Variants in KCTD2 observed in about 807,000 individuals in gnomAD.
The protein encoded by KCTD2 is BTB/POZ domain-containing protein KCTD2.
A neutral mutation model predicts 27.9 loss-of-function variants in KCTD2; 18 were observed. The observed-to-expected ratio is 0.64, with a 90% CI of 0.45 to 0.96. KCTD2 has a LOEUF of 0.96. KCTD2 is among the 40% of genes least tolerant of loss of function. The pLI is 0.00. For synonymous variants in KCTD2, 175 were observed against 148.4 expected, an observed-to-expected ratio of 1.18 and a Z score of -1.30; for missense variants, 280 against 348.0, an observed-to-expected ratio of 0.80 and a Z score of 1.56.
At chr17:75,043,541 C>T (rs561678413), upstream of KCTD2, among the ~76,000 whole-genome samples, 10 of 145,750 alleles carry the variant, frequency 6.9e-5, no homozygotes, top group South Asian at 9.2e-4. Flanking sequence ...TGAACCTGGG[C>T]GGCGGAGGTT....
intron 3 of KCTD2, among the ~76,000 whole-genome samples, chr17:75,038,000 G>T (rs1373309341): frequency 6.6e-6 from 1 of 151,814 alleles, no homozygotes; most frequent in Non-Finnish European, 1.5e-5. Flanking sequence ...AGTGAGCCGA[G>T]ATCGTCCCAC....
intron 2 of KCTD2, among the ~76,000 whole-genome samples, chr17:75,052,413 C>G (rs1394926191): frequency 3.9e-5 from 6 of 152,116 alleles, no homozygotes; most frequent in Non-Finnish European, 8.8e-5. Context: ...TGGCAAAACC[C>G]CGTCTCTGCG....
intron 5 of KCTD2, 129 bp downstream of exon 5, chr17:75,062,374 G>A (rs1046045290): frequency 2.1e-5 from 18 of 862,572 alleles, no homozygotes; most frequent in Admixed American, 7.0e-5. Context: ...TTTTCCCCTC[G>A]TTTTGTTATT....
intron 3 of KCTD2, chr17:75,040,693 C>T (rs2073150363): frequency 6.5e-6 from 1 of 153,700 alleles, no homozygotes; most frequent in African/African-American, 2.4e-5. Context: ...CGAGACCAGC[C>T]TGACCAACAT....
At chr17:75,059,939 C>T (rs895501029) in intron 4 of KCTD2, among the ~76,000 whole-genome samples, 6 of 152,148 alleles carry the variant, frequency 3.9e-5, no homozygotes, top group African/African-American at 1.4e-4. Context: ...GACTGGGATT[C>T]GACAACAATC....
chr17:75,057,685 G>A (rs916861285), intron 3 of KCTD2, among the ~76,000 whole-genome samples: 6 of 150,948 alleles, frequency 4.0e-5, no homozygotes, highest in African/African-American at 4.9e-5. Context: ...TCAGCCTCCC[G>A]AGTAGCTGGG....
At chr17:75,051,432 A>ACG (rs1567991538) in intron 2 of KCTD2, among the ~76,000 whole-genome samples, 1 of 151,520 alleles carries the variant, frequency 6.6e-6, no homozygotes, top group Non-Finnish European at 1.5e-5. Flanking sequence ...TTACAGGTGC[A>ACG]TGCCACCACG....
At chr17:75,046,660 C>CT (rs1265506404), upstream of KCTD2, among the ~76,000 whole-genome samples, 9 of 152,248 alleles carry the variant, frequency 5.9e-5, no homozygotes, top group Admixed American at 2.6e-4. Context: ...TGGGAGCGGA[C>CT]TGCACGAGAC....
rs997661261 is a variant in KCTD2, at chr17:75,061,869, G to T, written c.637-251G>T. Among the ~76,000 whole-genome samples, 83 of 152,134 alleles carry T rather than the reference G, an allele frequency of 5.5e-4. 2 individuals carry two copies. Among genetic ancestry groups the T allele is most frequent in the Admixed American group, 5.4e-3 (83 of 15,266 alleles). On this transcript the variant is annotated intron_variant, in intron 4 of 5. Transcript: ENST00000322444. ...ATGTTAATCCTGCCGCTGACGGGGG[G>T]GGACTTCAGAGCTTGGGTGAGGGGA...
rs1010697745 is a variant in KCTD2 at position 75,059,715 on chromosome 17, A to C, written c.636+110A>C. 3.8e-6 allele frequency: 3 copies of C among 791,952 alleles called. No individual in the cohort carries two copies. The Admixed American group carries it at 7.4e-5, about 19-fold the overall frequency. The allele number at this position is 791,952 out of a possible 1,614,324, so 49.1% of individuals were successfully genotyped here. ...ATAACCACGGGAGACGGCTACGGCC[A>C]GGTGGGATCCTATTCCAAAACATGG... On this transcript the variant is annotated intron_variant, in intron 4 of 5. Transcript: ENST00000322444.
At chr17:75,061,606 C>T (rs1257677061) in intron 4 of KCTD2, among the ~76,000 whole-genome samples, 1 of 152,174 alleles carries the variant, frequency 6.6e-6, no homozygotes, top group Non-Finnish European at 1.5e-5. Context: ...GCTGTGATTG[C>T]ACCACTGCAC....
intron 3 of KCTD2, among the ~76,000 whole-genome samples, chr17:75,058,480 G>T (rs1390115692): frequency 6.6e-6 from 1 of 151,396 alleles, no homozygotes; most frequent in Non-Finnish European, 1.5e-5. Context: ...CTCCAGACTG[G>T]GCAACAGAGC....
chr17:75,062,281 T>C, intron 5 of KCTD2, 36 bp downstream of exon 5: 2 of 1,590,804 alleles, frequency 1.3e-6, no homozygotes, highest in Non-Finnish European at 8.5e-7. Context: ...TGCCTCTGGC[T>C]TGCTTGTTCG....
At chr17:75,055,666 T>A (rs891660609) in intron 3 of KCTD2, among the ~76,000 whole-genome samples, 2 of 151,970 alleles carry the variant, frequency 1.3e-5, no homozygotes, top group African/African-American at 4.8e-5. Context: ...AAACCCTGTC[T>A]CTACTAAAAA....
At chr17:75,036,885 A>T (rs1197417048) in intron 3 of KCTD2, among the ~76,000 whole-genome samples, 2 of 152,032 alleles carry the variant, frequency 1.3e-5, no homozygotes, top group Non-Finnish European at 2.9e-5. Context: ...TGACTCAAGC[A>T]GTTTTGGGGG....
intron 3 of KCTD2, 111 bp downstream of exon 3, chr17:75,053,216 A>C (rs1326438506): frequency 1.2e-6 from 1 of 834,766 alleles, no homozygotes. Context: ...TGTGTGGAAC[A>C]CCGTTTGCAG....
chr17:75,038,389 C>T (rs972616007), intron 3 of KCTD2, among the ~76,000 whole-genome samples: 11 of 152,170 alleles, frequency 7.2e-5, no homozygotes, highest in East Asian at 1.9e-4. Context: ...GTGATCCACC[C>T]GCCTGGGCCT....
upstream of KCTD2, among the ~76,000 whole-genome samples, chr17:75,044,014 C>T (rs552888230): frequency 2.0e-5 from 3 of 148,258 alleles, no homozygotes; most frequent in African/African-American, 5.1e-5. Flanking sequence ...CACCAGCACA[C>T]GTTGTGCACT....
chr17:75,039,960 A>G, intron 3 of KCTD2: 1 of 937,720 alleles, frequency 1.1e-6, no homozygotes, highest in Non-Finnish European at 1.7e-6. Context: ...ATGTTGTTGC[A>G]TTTATTGACA....
Sources: gnomAD v4.1 joint callset for allele counts (sites outside exome capture counted in the v4.1 genomes callset) on GRCh38, gnomAD v4.1.1 for gene constraint, MANE v1.5 for transcripts, NCBI Gene and HGNC (gene_info 2026-07-23, HGNC 2026-07-21) for gene names.